The following RPL28 variants were observed in gnomAD, a reference collection of about 807,000 sequenced individuals.
RPL28 encodes large ribosomal subunit protein eL28.
A neutral mutation model predicts 12.5 loss-of-function variants in RPL28; 4 were observed. The ratio of observed to expected loss-of-function variants is 0.32; its 90% CI spans 0.16 to 0.73. The LOEUF is 0.73. Ranked by LOEUF, RPL28 falls within the 30% of genes least tolerant of loss-of-function variation. The probability of loss-of-function intolerance (pLI) is 0.66; values close to 1 mark genes in which losing one functional copy is unlikely to be tolerated. For missense variants in RPL28, 214 were observed against 197.7 expected, an observed-to-expected ratio of 1.08 and a Z score of -0.49; for synonymous variants, 91 against 72.5, an observed-to-expected ratio of 1.26 and a Z score of -1.30.
chr19:55,397,283 ATCT>A (rs939096408), intron 4 of RPL28, among the ~76,000 whole-genome samples: 2 of 152,190 alleles, frequency 1.3e-5, no homozygotes, highest in African/African-American at 4.8e-5. Context: ...AAGCTGTAGT[ATCT>A]TTTGTGACTT....
chr19:55,400,808 G>T (rs1444630892), intron 4 of RPL28: 1 of 152,798 alleles, frequency 6.5e-6, no homozygotes, highest in Non-Finnish European at 1.5e-5. Flanking sequence ...AAATACATGT[G>T]GGAACAGGCT....
intron 4 of RPL28, among the ~76,000 whole-genome samples, chr19:55,397,684 A>T (rs2090032975): frequency 6.6e-6 from 1 of 151,556 alleles, no homozygotes; most frequent in Non-Finnish European, 1.5e-5. Flanking sequence ...GGCCAGGACA[A>T]ATGTTTTAAA....
intron 2 of RPL28, 38 bp downstream of exon 2, chr19:55,386,476 G>T (rs757860597): frequency 6.2e-7 from 1 of 1,610,734 alleles, no homozygotes; most frequent in African/African-American, 1.3e-5. Context: ...TGCGGGAGGA[G>T]GGTCCTGAGT....
chr19:55,386,265 C>A, intron 1 of RPL28, 85 bp from the exon 2 acceptor site: 2 of 1,287,728 alleles, frequency 1.6e-6, no homozygotes, highest in East Asian at 2.5e-5. Flanking sequence ...TCGCTCTCTT[C>A]CTCTGCTGTC....
rs2089972408 is a variant in RPL28 at position 55,389,776 on chromosome 19, G to GC, written c.*1446dup. The GC allele has an allele frequency of 3.0e-6, 3 of 985,394 alleles. No homozygotes were observed. In the African/African-American group the frequency reaches 5.2e-5, roughly 17 times the overall value. 61.0% of individuals were successfully genotyped at this position (985,394 alleles called of 1,614,324 possible). On this transcript the variant is annotated 3_prime_UTR_variant, in exon 5 of 5. Transcript: ENST00000344063. Reference sequence around the variant, plus strand: ...CTATTAGCTCAGATTGAGAGGTGTTGCCTTAAAACTGAGTTGGGTGACTTG... The same window carrying GC: ...CTATTAGCTCAGATTGAGAGGTGTTGCCCTTAAAACTGAGTTGGGTGACTTG...
Position 55,397,140 on chromosome 19 carries a change from A to C in RPL28, c.325-5803A>C, listed in dbSNP as rs573549784. Reference sequence around the variant, plus strand: ...AGCCATCTGCCTGCCTCAGCCTCCCAAAGTGTTAGGATTACAGGCGTGAGC... The same window carrying C: ...AGCCATCTGCCTGCCTCAGCCTCCCCAAGTGTTAGGATTACAGGCGTGAGC... On this transcript the variant is annotated intron_variant, in intron 4 of 4. Transcript: ENST00000560055. 2.6e-5 allele frequency among the ~76,000 whole-genome samples: 4 copies of C among 152,110 alleles called. No homozygotes were observed. The East Asian group carries it at 7.7e-4, about 29-fold the overall frequency.
At chr19:55,395,600 C>T (rs1222079975), downstream of RPL28, among the ~76,000 whole-genome samples, 4 of 152,006 alleles carry the variant, frequency 2.6e-5, no homozygotes, top group Non-Finnish European at 5.9e-5. Context: ...CCCACCACCA[C>T]ACCCGGCTAA....
In RPL28 at chr19:55,390,468, G is replaced by A. The variant is rs890608417; in HGVS notation, c.*2136G>A. Reference sequence around the variant, plus strand: ...TACCCACCTGCCTCAGCCTCCCAAAGTGCTGGCATTACAGGCGCTCGAGGC... The same window carrying A: ...TACCCACCTGCCTCAGCCTCCCAAAATGCTGGCATTACAGGCGCTCGAGGC... On this transcript the variant is annotated 3_prime_UTR_variant, in exon 5 of 5. Coordinates refer to ENST00000344063, the MANE Select transcript of RPL28 (RefSeq NM_000991.5). 1.5e-5 allele frequency: 15 copies of A among 985,478 alleles called. No individual in the cohort carries two copies. Among genetic ancestry groups the A allele is most frequent in the Non-Finnish European group, 1.8e-5 (15 of 829,958 alleles). 61.0% of individuals were successfully genotyped at this position (985,478 alleles called of 1,614,324 possible). A position where few individuals can be genotyped will look rare whatever the true frequency, so the allele number is the denominator to read the frequency against.
downstream of RPL28, among the ~76,000 whole-genome samples, chr19:55,395,258 T>C (rs75479073): frequency 0.046 from 7,048 of 152,180 alleles, 192 homozygotes; most frequent in Non-Finnish European, 0.066. Flanking sequence ...TGCCTCAGCC[T>C]CCCAAGTAGC....
intron 3 of RPL28, 25 bp downstream of exon 3, chr19:55,386,718 G>A (rs2123274549): frequency 6.2e-7 from 1 of 1,613,494 alleles, no homozygotes; most frequent in Non-Finnish European, 8.5e-7. Flanking sequence ...GTTTGGGCCA[G>A]AGAGCGGCCC....
In RPL28 at chr19:55,385,973, T is replaced by C; in HGVS notation, c.-9+8T>C. The C allele has an allele frequency of 3.8e-6, 1 of 263,434 alleles. No homozygotes were observed. Among genetic ancestry groups the C allele is most frequent in the South Asian group, 4.0e-5 (1 of 24,800 alleles). 16.3% of individuals were successfully genotyped at this position (263,434 alleles called of 1,614,324 possible). ...TCGCCGCTGCGAAGGGAGGTGAGCGTTCGTCTTCCTCGCGTGGTCGCCATC... is the reference window on the plus strand; with the variant it reads ...TCGCCGCTGCGAAGGGAGGTGAGCGCTCGTCTTCCTCGCGTGGTCGCCATC... On this transcript the variant is annotated splice_region_variant and intron_variant, in intron 1 of 4. Coordinates refer to ENST00000344063, the MANE Select transcript of RPL28 (RefSeq NM_000991.5).
At chr19:55,386,194 C>G in intron 1 of RPL28, 156 bp from the exon 2 acceptor site, 1 of 672,768 alleles carries the variant, frequency 1.5e-6, no homozygotes, top group East Asian at 2.7e-5. Flanking sequence ...TCAGTCCCGC[C>G]TGACAAGAGT....
downstream of RPL28, among the ~76,000 whole-genome samples, chr19:55,395,233 T>A (rs1032295094): frequency 5.3e-5 from 8 of 151,946 alleles, no homozygotes; most frequent in Admixed American, 4.6e-4. Context: ...ACCACCTGGG[T>A]TCAAGCGATT....
intron 3 of RPL28, 192 bp from the exon 4 acceptor site, chr19:55,387,738 A>T (rs2089946806): frequency 6.9e-7 from 1 of 1,442,132 alleles, no homozygotes; most frequent in Non-Finnish European, 9.0e-7. Flanking sequence ...CTGTGTCCTC[A>T]GTACTCCGTG....
chr19:55,394,204 G>A (rs2090008998), downstream of RPL28, among the ~76,000 whole-genome samples: 1 of 152,190 alleles, frequency 6.6e-6, no homozygotes, highest in African/African-American at 2.4e-5. Context: ...GGAGGTAGCA[G>A]TGAGCCAAGA....
intron 3 of RPL28, chr19:55,387,307 G>T (rs2089941265): frequency 6.4e-7 from 1 of 1,551,604 alleles, no homozygotes. Context: ...TCAGGTCCTT[G>T]ATTGGAACTG....
intron 4 of RPL28, among the ~76,000 whole-genome samples, chr19:55,401,986 G>C (rs2090063050): frequency 6.6e-6 from 1 of 152,220 alleles, no homozygotes. Flanking sequence ...AGGACACGAT[G>C]CCATAGGCCC....
At chr19:55,394,321 A>AAGAT, downstream of RPL28, among the ~76,000 whole-genome samples, 1 of 152,298 alleles carries the variant, frequency 6.6e-6, no homozygotes, top group African/African-American at 2.4e-5. Context: ...GTGCTGTGGC[A>AAGAT]CAATCTCGGC....
intron 4 of RPL28, among the ~76,000 whole-genome samples, chr19:55,397,202 A>G (rs998910297): frequency 6.6e-6 from 1 of 152,110 alleles, no homozygotes; most frequent in Admixed American, 6.5e-5. Context: ...TTTATAGTTT[A>G]CCACCACCAT....
Sources: allele counts gnomAD v4.1 joint callset (sites outside exome capture counted in the v4.1 genomes callset), GRCh38; gene constraint gnomAD v4.1.1; transcripts MANE v1.5; gene names NCBI Gene and HGNC (gene_info 2026-07-23, HGNC 2026-07-21).